Variants in CNGA1 observed in about 807,000 individuals in gnomAD.
CNGA1 encodes the protein cyclic nucleotide gated channel subunit alpha 1, also known as cyclic nucleotide-gated channel alpha-1.
A neutral mutation model predicts 69.7 loss-of-function variants in CNGA1; 53 were observed. That is an observed-to-expected ratio of 0.76 (90% CI 0.61 to 0.96). The LOEUF (loss-of-function observed/expected upper bound fraction) is 0.96, where lower values mean the gene tolerates loss of function less well. CNGA1 is among the 40% of genes least tolerant of loss of function. The pLI, the probability that CNGA1 is intolerant of heterozygous loss-of-function variation, is 0.00. For missense variants in CNGA1, 739 were observed against 811.2 expected (o/e 0.91, Z 1.08); for synonymous variants, 249 against 283.5 (o/e 0.88, Z 1.22).
In CNGA1 at chr4:47,943,407, G is replaced by C; in HGVS notation, c.293C>G (p.Pro98Arg). ...TTTTTTCTTTTTCTTTTTTTCTTCT[G>C]GTTCCCTAAAGAAAAAAATAATATA... ...VNNSSNKDQEPEEKKKKKKEK... is the reference protein window; with the variant it reads ...VNNSSNKDQEREEKKKKKKEK... Residue 98 changes from proline to arginine, a missense_variant, in exon 7 of 11, where the codon CCA (proline) becomes CGA (arginine). By Grantham distance (103) the Pro-to-Arg change is moderately radical (BLOSUM62 -2). Transcript: ENST00000514170. 1.4e-6 allele frequency: 2 copies of C among 1,475,994 alleles called. No individual in the cohort carries two copies. The highest frequency in any genetic ancestry group is 1.8e-6 in the Non-Finnish European group (2 of 1,101,426). The allele number at this position is 1,475,994 out of a possible 1,614,324, so 91.4% of individuals were successfully genotyped here. A position where few individuals can be genotyped will look rare whatever the true frequency, so the allele number is the denominator to read the frequency against.
chr4:47,993,326 G>A (rs764494642), intron 2 of CNGA1, among the ~76,000 whole-genome samples: 4 of 151,798 alleles, frequency 2.6e-5, no homozygotes, highest in Non-Finnish European at 5.9e-5. Context: ...GGACTTTTTT[G>A]TTGTTGGTAA....
Position 47,936,552 on chromosome 4 carries a change from A to T in CNGA1, c.1930T>A (p.Tyr644Asn), listed in dbSNP as rs371440311. 1 of 1,614,162 alleles carries T rather than the reference A, an allele frequency of 6.2e-7. No homozygotes were observed. Among genetic ancestry groups the T allele is most frequent in the African/African-American group, 1.3e-5 (1 of 75,044 alleles). Residue 644 changes from tyrosine to asparagine, a missense_variant, in exon 11 of 11, where the codon TAT (tyrosine) becomes AAT (asparagine). Transcript: ENST00000514170. The stretch of plus-strand genomic sequence containing the variant: ...TTCAGTTTCTGCTGCATGGACTCAT[A>T]CTCAGCCAAGATTCGGGCAAACCTG... The part of the protein sequence containing the change: ...QTRFARILAE[Y>N]ESMQQKLKQR...
chr4:48,010,091 T>C (rs1715086501), intron 2 of CNGA1, among the ~76,000 whole-genome samples: 1 of 152,116 alleles, frequency 6.6e-6, no homozygotes, highest in Admixed American at 6.5e-5. Flanking sequence ...TAGCCATAAA[T>C]TTAGATATTA....
At position 47,937,684 on chromosome 4, in the gene CNGA1, A is replaced by G. The variant is rs766577915; in HGVS notation, c.798T>C (p.Ile266=). 3 of 1,614,156 alleles carry G rather than the reference A, an allele frequency of 1.9e-6. No individual in the cohort carries two copies. Among genetic ancestry groups the G allele is most frequent in the Non-Finnish European group, 2.5e-6 (3 of 1,180,020 alleles). The change falls in exon 11 of 11, where the codon ATT becomes ATC. Residue 266 remains isoleucine (I), a synonymous_variant. Coordinates refer to ENST00000514170, the MANE Select transcript of CNGA1 (RefSeq NM_001379270.1). ...YFKLGWNYPE[I]RLNRLLRFSR... is the part of the protein sequence containing the mutation. Reference sequence around the variant, plus strand: ...AGAACCGTAACAACCTGTTTAATCTAATTTCTGGATAGTTCCACCCTAACT... The same window carrying G: ...AGAACCGTAACAACCTGTTTAATCTGATTTCTGGATAGTTCCACCCTAACT...
In CNGA1 at chr4:48,011,587, G is replaced by A. The variant is rs572616312; in HGVS notation, c.-222-694C>T. ...TGAGCCAAATATGACTGATCATGGC[G>A]CATGACACAGCCCTCAGGAGGTCCT... is the stretch of plus-strand genomic sequence containing the variant. On this transcript the variant is annotated intron_variant, in intron 1 of 10. Transcript: ENST00000514170. Among the ~76,000 whole-genome samples the A allele has an allele frequency of 6.6e-4, 101 of 152,288 alleles. 1 individual carries two copies. In the South Asian group the frequency reaches 0.018, roughly 27 times the overall value.
rs752495965 is a variant in CNGA1, at chr4:47,984,661, TATACACACACACAC to T, written c.-122-3175_-122-3162del. The stretch of plus-strand genomic sequence containing the variant: ...CAAATAAAAAAAATATATATATATA[TATACACACACACAC>T]ACACACACACACACACACATATATA... On this transcript the variant is annotated intron_variant, in intron 2 of 10. Transcript: ENST00000514170. 5.3e-3 allele frequency among the ~76,000 whole-genome samples: 513 copies of T among 97,008 alleles called. 2 individuals are homozygous for T. Among genetic ancestry groups the T allele is most frequent in the Non-Finnish European group, 7.4e-3 (336 of 45,108 alleles). The allele number at this position is 97,008 out of a possible 152,430, so 63.6% of individuals were successfully genotyped here.
At chr4:47,949,488 A>C (rs1310516384) in intron 6 of CNGA1, among the ~76,000 whole-genome samples, 1 of 152,136 alleles carries the variant, frequency 6.6e-6, no homozygotes, top group Non-Finnish European at 1.5e-5. Context: ...TTCTGCATAC[A>C]AGCCTCCATC....
At chr4:47,960,212 A>T (rs1181807985) in intron 3 of CNGA1, among the ~76,000 whole-genome samples, 1 of 152,214 alleles carries the variant, frequency 6.6e-6, no homozygotes, top group African/African-American at 2.4e-5. Context: ...AAACCACAAG[A>T]TACTTTTTCA....
chr4:47,939,185 C>T (rs1414388206), intron 10 of CNGA1, among the ~76,000 whole-genome samples: 2 of 152,158 alleles, frequency 1.3e-5, no homozygotes, highest in East Asian at 1.9e-4. Flanking sequence ...TTTACCCCAA[C>T]CTCCTTCATC....
At chr4:47,970,802 G>A (rs1321832520) in intron 3 of CNGA1, 3 of 450,782 alleles carry the variant, frequency 6.7e-6, no homozygotes, top group Non-Finnish European at 1.3e-5. Context: ...ATACTATATA[G>A]TATTTCATCT....
intron 3 of CNGA1, among the ~76,000 whole-genome samples, chr4:47,957,021 C>T (rs1055501894): frequency 6.6e-6 from 1 of 152,096 alleles, no homozygotes; most frequent in African/African-American, 2.4e-5. Context: ...GCAACCTCTG[C>T]CTCCCGGGTT....
Position 48,016,654 on chromosome 4 carries a change from C to A in CNGA1, c.-394G>T. Reference sequence around the variant, plus strand: ...GGGGGCCCTGAGAATTCGCAACAAGCCCCGGGCAGCAGGGCTCGGCTGGCG... The same window carrying A: ...GGGGGCCCTGAGAATTCGCAACAAGACCCGGGCAGCAGGGCTCGGCTGGCG... On this transcript the variant is annotated 5_prime_UTR_variant, in exon 1 of 11. Transcript: ENST00000514170. The A allele has an allele frequency of 1.8e-6, 1 of 565,510 alleles. No homozygotes were observed. Among genetic ancestry groups the A allele is most frequent in the South Asian group, 2.3e-5 (1 of 44,310 alleles). The allele number at this position is 565,510 out of a possible 1,614,324, so 35.0% of individuals were successfully genotyped here. A position where few individuals can be genotyped will look rare whatever the true frequency, so the allele number is the denominator to read the frequency against.
rs185523379 is a variant in CNGA1 at position 48,008,255 on chromosome 4, T to A, written c.-123+2539A>T. ...TGACATGCTTGGACTTTCTGGTTTG[T>A]CCTGAACATCCCTTTCTTAAACAAC... On this transcript the variant is annotated intron_variant, in intron 2 of 10. Coordinates refer to ENST00000514170, the MANE Select transcript of CNGA1 (RefSeq NM_001379270.1). Among the ~76,000 whole-genome samples, 3 of 152,304 alleles carry A rather than the reference T, an allele frequency of 2.0e-5. No homozygotes were observed. In the East Asian group the frequency reaches 5.8e-4, roughly 29 times the overall value.
At chr4:47,988,977 G>GT (rs11310963) in intron 2 of CNGA1, among the ~76,000 whole-genome samples, 9 of 150,360 alleles carry the variant, frequency 6.0e-5, no homozygotes, top group Middle Eastern at 3.5e-3. Flanking sequence ...ATTGTTCTTA[G>GT]TTTTAAAAAA....
chr4:48,013,150 A>G (rs1013761218), intron 1 of CNGA1, among the ~76,000 whole-genome samples: 2 of 152,220 alleles, frequency 1.3e-5, no homozygotes, highest in Non-Finnish European at 2.9e-5. Context: ...AGACCTCAGC[A>G]AATTGTCCTA....
chr4:48,016,374 G>C (rs1490047733), intron 1 of CNGA1, 109 bp downstream of exon 1: 1 of 171,590 alleles, frequency 5.8e-6, no homozygotes, highest in African/African-American at 2.4e-5. Flanking sequence ...AACACCTGAA[G>C]GCTTCCAAAA....
Position 47,971,893 on chromosome 4 carries a change from A to AAAACAAAC in CNGA1, c.-15+9492_-15+9499dup, listed in dbSNP as rs112046660. On this transcript the variant is annotated intron_variant, in intron 3 of 10. Transcript: ENST00000514170. ...TGGGCAACAGAGCAAGACTCTCTGA[A>AAAACAAAC]AAACAAACAAACAAACAAACAAACA... Among the ~76,000 whole-genome samples, 278 of 147,552 alleles carry AAAACAAAC rather than the reference A, an allele frequency of 1.9e-3. 5 individuals are homozygous for AAAACAAAC. The highest frequency in any genetic ancestry group is 1.6e-3 in the African/African-American group (63 of 40,622).
intron 2 of CNGA1, among the ~76,000 whole-genome samples, chr4:47,992,530 T>C (rs933556002): frequency 2.0e-4 from 31 of 152,202 alleles, no homozygotes; most frequent in African/African-American, 7.5e-4. Context: ...ATCCGGCAAT[T>C]TTGCTGAATT....
intron 3 of CNGA1, among the ~76,000 whole-genome samples, chr4:47,979,600 A>G (rs1238727133): frequency 6.6e-6 from 1 of 152,206 alleles, no homozygotes; most frequent in African/African-American, 2.4e-5. Context: ...GCGTTAGAGT[A>G]GGAACTAAAT....
Sources: allele counts gnomAD v4.1 joint callset (sites outside exome capture counted in the v4.1 genomes callset), GRCh38; gene constraint gnomAD v4.1.1; transcripts MANE v1.5; gene names NCBI Gene and HGNC (gene_info 2026-07-23, HGNC 2026-07-21).